Variants in HIPK3 observed in about 807,000 individuals in gnomAD.
The protein encoded by HIPK3 is homeodomain interacting protein kinase 3.
A neutral mutation model predicts 124.2 loss-of-function variants in HIPK3; 47 were observed. The ratio of observed to expected loss-of-function variants is 0.38; its 90% CI spans 0.30 to 0.48. HIPK3 has a LOEUF of 0.48. Ranked by LOEUF, HIPK3 falls within the 20% of genes least tolerant of loss-of-function variation. The pLI is 0.98. For synonymous variants in HIPK3, 482 were observed against 515.2 expected, an observed-to-expected ratio of 0.94 and a Z score of 0.87; for missense variants, 1,286 against 1,454.3, an observed-to-expected ratio of 0.88 and a Z score of 1.88.
At chr11:33,337,692 G>A (rs555747779) in intron 4 of HIPK3, among the ~76,000 whole-genome samples, 101 of 149,922 alleles carry the variant, frequency 6.7e-4, no homozygotes, top group African/African-American at 2.5e-3. Flanking sequence ...TTCTTTTTTT[G>A]AGACAAAGTC....
intron 1 of HIPK3, among the ~76,000 whole-genome samples, chr11:33,280,739 G>T (rs922123905): frequency 6.6e-6 from 1 of 152,156 alleles, no homozygotes; most frequent in African/African-American, 2.4e-5. Flanking sequence ...TCCAGAAATT[G>T]CAGCAGTTTT....
intron 2 of HIPK3, among the ~76,000 whole-genome samples, chr11:33,305,468 G>C (rs939447847): frequency 1.3e-5 from 2 of 152,174 alleles, no homozygotes; most frequent in African/African-American, 4.8e-5. Flanking sequence ...AGGTTCAGCC[G>C]CTGTGCTAGA....
chr11:33,323,282 C>T (rs746957585), intron 2 of HIPK3, among the ~76,000 whole-genome samples: 1 of 152,132 alleles, frequency 6.6e-6, no homozygotes, highest in African/African-American at 2.4e-5. Context: ...TAGCTCTGGT[C>T]GCCCAGGCTG....
chr11:33,257,187 G>A (rs1014888352), upstream of HIPK3: 7 of 957,434 alleles, frequency 7.3e-6, no homozygotes, highest in Middle Eastern at 5.3e-4. Context: ...GCTGGCAGGC[G>A]GGCTCCGGGC....
chr11:33,310,668 T>C (rs1852309162), intron 2 of HIPK3, among the ~76,000 whole-genome samples: 1 of 152,184 alleles, frequency 6.6e-6, no homozygotes, highest in African/African-American at 2.4e-5. Flanking sequence ...CTCAGTTACA[T>C]TAGCCACATC....
chr11:33,281,688 T>G (rs763121114), intron 1 of HIPK3, among the ~76,000 whole-genome samples: 6 of 152,250 alleles, frequency 3.9e-5, no homozygotes, highest in Admixed American at 6.5e-5. Flanking sequence ...CTCTTTTTAA[T>G]TAAACACACA....
chr11:33,276,830 T>G (rs1851285965), intron 1 of HIPK3, among the ~76,000 whole-genome samples: 1 of 152,060 alleles, frequency 6.6e-6, no homozygotes. Context: ...CTCAACTTCT[T>G]GAGTAGCTGG....
intron 1 of HIPK3, among the ~76,000 whole-genome samples, chr11:33,270,019 C>T (rs563899646): frequency 1.3e-5 from 2 of 152,044 alleles, no homozygotes; most frequent in Admixed American, 1.3e-4. Flanking sequence ...CTTTCGTTGC[C>T]CAAGCTGGAG....
intron 14 of HIPK3, among the ~76,000 whole-genome samples, chr11:33,351,073 A>G (rs1410913307): frequency 1.3e-5 from 2 of 152,126 alleles, no homozygotes; most frequent in South Asian, 2.1e-4. Flanking sequence ...AGGGCCCAAG[A>G]GTGTCAGGAA....
At chr11:33,332,879 T>C (rs1339250229) in intron 3 of HIPK3, among the ~76,000 whole-genome samples, 1 of 152,108 alleles carries the variant, frequency 6.6e-6, no homozygotes, top group South Asian at 2.1e-4. Context: ...GGCTCCAGCA[T>C]GTGCTTCTGG....
intron 2 of HIPK3, among the ~76,000 whole-genome samples, chr11:33,325,591 G>C (rs993339773): frequency 1.3e-5 from 2 of 151,970 alleles, no homozygotes; most frequent in African/African-American, 4.8e-5. Flanking sequence ...CTTTCTTTCT[G>C]CCTAGACTTC....
chr11:33,318,887 G>T (rs1289343058), intron 2 of HIPK3, among the ~76,000 whole-genome samples: 1 of 152,124 alleles, frequency 6.6e-6, no homozygotes, highest in African/African-American at 2.4e-5. Context: ...TGTTCATTTG[G>T]TTTCCTGTGT....
At chr11:33,268,616 A>G (rs61887923) in intron 1 of HIPK3, among the ~76,000 whole-genome samples, 6 of 139,366 alleles carry the variant, frequency 4.3e-5, no homozygotes, top group Non-Finnish European at 4.8e-5. Flanking sequence ...AAAAAAAAAA[A>G]TTAAAAAAAG....
In HIPK3 at chr11:33,348,545, A is replaced by G. The variant is rs143804053; in HGVS notation, c.2393A>G (p.Asn798Ser). 40 of 1,612,238 alleles carry G rather than the reference A, an allele frequency of 2.5e-5. No individual in the cohort carries two copies. The highest frequency in any genetic ancestry group is 2.0e-4 in the South Asian group (18 of 91,026). ...FSWSNSLQNT[N>S]IPHSAFISPK... Reference sequence around the variant, plus strand: ...AGGAGTAATTCATTACAGAATACCAATATCCCACATTCAGCATTTATTTCT... The same window carrying G: ...AGGAGTAATTCATTACAGAATACCAGTATCCCACATTCAGCATTTATTTCT... The change falls in exon 13 of 17, where the codon AAT becomes AGT. Residue 798 changes from asparagine to serine, a missense_variant. This residue lies in a region of HIPK3 where 810 missense variants were observed against 864.9 expected (regional missense o/e 0.94). Transcript: ENST00000303296.
At chr11:33,339,284 G>A (rs1298396320) in intron 5 of HIPK3, 66 bp from the exon 6 acceptor site, 10 of 1,194,080 alleles carry the variant, frequency 8.4e-6, no homozygotes, top group South Asian at 4.3e-5. Flanking sequence ...ATTTTTTAAC[G>A]GTGGAATTTA....
chr11:33,313,738 C>A (rs547234568), intron 2 of HIPK3, among the ~76,000 whole-genome samples: 2 of 152,232 alleles, frequency 1.3e-5, no homozygotes, highest in South Asian at 4.1e-4. Context: ...TCCAGAGCAC[C>A]ATGAGATTAC....
chr11:33,260,751 T>G (rs1038948178), intron 1 of HIPK3, among the ~76,000 whole-genome samples: 1 of 152,208 alleles, frequency 6.6e-6, no homozygotes, highest in African/African-American at 2.4e-5. Flanking sequence ...TTCTCCATAT[T>G]TAAATATCCT....
At chr11:33,300,343 C>T (rs1851962631) in intron 2 of HIPK3, among the ~76,000 whole-genome samples, 1 of 148,968 alleles carries the variant, frequency 6.7e-6, no homozygotes, top group African/African-American at 2.5e-5. Context: ...AGCAAGACTC[C>T]ATCGCAAAAA....
rs58735030 is a variant in HIPK3, at chr11:33,302,342, C to CTTTTTTTTTTTTTT, written c.1097+14832_1097+14845dup. On this transcript the variant is annotated intron_variant, in intron 2 of 16. Coordinates refer to ENST00000303296, the MANE Select transcript of HIPK3 (RefSeq NM_005734.5). ...ACTTCTCTATGATAATTCCTTACTT[C>CTTTTTTTTTTTTTT]TTTTTTTTTTTTTTGAGAAGGAGTC... 3.1e-3 allele frequency among the ~76,000 whole-genome samples: 419 copies of CTTTTTTTTTTTTTT among 135,636 alleles called. 2 individuals are homozygous for CTTTTTTTTTTTTTT. The highest frequency in any genetic ancestry group is 4.9e-3 in the Non-Finnish European group (320 of 64,814). The allele number at this position is 135,636 out of a possible 152,430, so 89.0% of individuals were successfully genotyped here.
Sources: allele counts gnomAD v4.1 joint callset (sites outside exome capture counted in the v4.1 genomes callset), GRCh38; gene constraint gnomAD v4.1.1; regional missense constraint gnomAD v4.1.1; transcripts MANE v1.5; gene names NCBI Gene and HGNC (gene_info 2026-07-23, HGNC 2026-07-21).